The following ASTN2 variants were observed in gnomAD, a reference collection of about 807,000 sequenced individuals.
ASTN2 encodes astrotactin 2.
In ASTN2, 54 loss-of-function variants were observed where a neutral mutation model predicts 139.8. The ratio of observed to expected loss-of-function variants is 0.39; its 90% CI spans 0.31 to 0.48. The LOEUF is 0.48. ASTN2 is among the 20% of genes least tolerant of loss of function. The probability of loss-of-function intolerance (pLI) is 0.95; values close to 1 mark genes in which losing one functional copy is unlikely to be tolerated. For synonymous variants in ASTN2, 756 were observed against 719.5 expected, an observed-to-expected ratio of 1.05 and a Z score of -0.81; for missense variants, 1,565 against 1,725.1, an observed-to-expected ratio of 0.91 and a Z score of 1.64.
At chr9:116,772,838 T>G (rs1424778126) in intron 13 of ASTN2, among the ~76,000 whole-genome samples, 1 of 152,132 alleles carries the variant, frequency 6.6e-6, no homozygotes, top group Non-Finnish European at 1.5e-5. Flanking sequence ...AACCTCCGGG[T>G]CAGAGCTCAG....
At chr9:116,581,653 T>C (rs7867678) in intron 19 of ASTN2, among the ~76,000 whole-genome samples, 7,210 of 152,282 alleles carry the variant, frequency 0.047, 565 homozygotes, top group African/African-American at 0.16. Context: ...CTCATCTCTA[T>C]GCAAAATGGG....
intron 10 of ASTN2, among the ~76,000 whole-genome samples, chr9:116,963,780 T>C (rs1835931621): frequency 6.6e-6 from 1 of 152,168 alleles, no homozygotes; most frequent in African/African-American, 2.4e-5. Flanking sequence ...CTTTTGTAGT[T>C]GGCTTCTCAC....
intron 19 of ASTN2, among the ~76,000 whole-genome samples, chr9:116,551,579 AT>A (rs368785093): frequency 3.0e-4 from 46 of 152,172 alleles, no homozygotes; most frequent in African/African-American, 1.0e-3. Flanking sequence ...AATCTTTCCC[AT>A]TTGGGGGACT....
At chr9:116,433,301 A>G (rs1847553305) in intron 22 of ASTN2, among the ~76,000 whole-genome samples, 1 of 152,226 alleles carries the variant, frequency 6.6e-6, no homozygotes, top group Non-Finnish European at 1.5e-5. Context: ...TGTAAAGCAT[A>G]TTGTTAAACA....
At chr9:116,941,946 A>C (rs1483416300) in intron 10 of ASTN2, among the ~76,000 whole-genome samples, 1 of 151,448 alleles carries the variant, frequency 6.6e-6, no homozygotes. Context: ...CTTGAATTCT[A>C]ATCCTGGCTT....
rs936135026 is a variant in ASTN2 at position 116,447,069 on chromosome 9, A to T, written c.3498-4516T>A. Reference sequence around the variant, plus strand: ...GGTGTGCTTGCTGACCTTCCTCCCCACTCTGCTTCACAGCAGAGGCATCTC... The same window carrying T: ...GGTGTGCTTGCTGACCTTCCTCCCCTCTCTGCTTCACAGCAGAGGCATCTC... On this transcript the variant is annotated intron_variant, in intron 20 of 22. Coordinates refer to ENST00000313400, the MANE Select transcript of ASTN2 (RefSeq NM_001365068.1). 2.0e-5 allele frequency among the ~76,000 whole-genome samples: 3 copies of T among 151,696 alleles called. No individual in the cohort carries two copies. The East Asian group carries it at 5.9e-4, about 30-fold the overall frequency.
intron 19 of ASTN2, among the ~76,000 whole-genome samples, chr9:116,515,397 A>G (rs1664583379): frequency 6.6e-6 from 1 of 152,170 alleles, no homozygotes; most frequent in African/African-American, 2.4e-5. Flanking sequence ...TCTCTCTCTT[A>G]TGATGGAAAC....
intron 4 of ASTN2, among the ~76,000 whole-genome samples, chr9:117,129,215 T>C (rs988055818): frequency 6.6e-6 from 1 of 152,232 alleles, no homozygotes; most frequent in Non-Finnish European, 1.5e-5. Context: ...GCATTGACAG[T>C]GACCATTTTT....
At chr9:116,774,649 G>C (rs532398100) in intron 13 of ASTN2, among the ~76,000 whole-genome samples, 1 of 151,450 alleles carries the variant, frequency 6.6e-6, no homozygotes, top group African/African-American at 2.5e-5. Flanking sequence ...CATCTTGCTC[G>C]AGAGCCTGGC....
rs192466305 is a variant in ASTN2 at position 117,310,906 on chromosome 9, A to C, written c.443-19393T>G. ...CCCAAATTGCTTACAGGCATGAGCC[A>C]CTGTACTCTGCCATTTGGACATGTT... On this transcript the variant is annotated intron_variant, in intron 1 of 22. Transcript: ENST00000313400. Among the ~76,000 whole-genome samples the C allele has an allele frequency of 1.1e-3, 169 of 152,292 alleles. 1 individual carries two copies. Among genetic ancestry groups the C allele is most frequent in the African/African-American group, 4.0e-3 (168 of 41,566 alleles).
Position 117,176,436 on chromosome 9 carries a change from C to T in ASTN2, c.1016-34958G>A, listed in dbSNP as rs1041426534. 4.0e-5 allele frequency among the ~76,000 whole-genome samples: 6 copies of T among 151,722 alleles called. No individual in the cohort carries two copies. The East Asian group carries it at 5.8e-4, about 15-fold the overall frequency. ...TTAACATTTTAAATGTAAAAAAATC[C>T]GATGTATACCACAAAATATTTGTAT... On this transcript the variant is annotated intron_variant, in intron 3 of 22. Transcript: ENST00000313400.
rs183446091 is a variant in ASTN2, at chr9:116,996,906, T to C, written c.1591+11186A>G. ...GAAGACCAATATATTTTTTAACACATTTTTTAGATAAAATTAAATATAGTC... is the reference window on the plus strand; with the variant it reads ...GAAGACCAATATATTTTTTAACACACTTTTTAGATAAAATTAAATATAGTC... On this transcript the variant is annotated intron_variant, in intron 7 of 22. Coordinates refer to ENST00000313400, the MANE Select transcript of ASTN2 (RefSeq NM_001365068.1). Among the ~76,000 whole-genome samples the C allele has an allele frequency of 1.1e-3, 165 of 152,226 alleles. 4 individuals carry two copies. In the East Asian group the frequency reaches 0.025, roughly 23 times the overall value.
Position 117,414,650 on chromosome 9 carries a change from C to A in ASTN2, c.289G>T (p.Gly97Ter). 1 of 1,360,668 alleles carries A rather than the reference C, an allele frequency of 7.3e-7. No homozygotes were observed. 84.3% of individuals were successfully genotyped at this position (1,360,668 alleles called of 1,614,324 possible). Reference sequence around the variant, plus strand: ...GGGGACGCGGCGGCGGCGGCGGCTCCGGCCCCGGTCCCAGCCCCGGCCCCG... The same window carrying A: ...GGGGACGCGGCGGCGGCGGCGGCTCAGGCCCCGGTCCCAGCCCCGGCCCCG... ...RAGAGAGTGA[G>*]AAAAAASPGS... Residue 97 changes from glycine (G) to a stop codon, truncating the protein, a stop_gained, in exon 1 of 23, where the codon GGA becomes TGA. Transcript: ENST00000313400. LOFTEE classifies it high-confidence loss of function. This position sits in a 1 kb window ranked among gnomAD's most constrained non-coding sequence, Gnocchi z 4.2.
intron 19 of ASTN2, among the ~76,000 whole-genome samples, chr9:116,586,845 C>CATACATACACACAT (rs746840629): frequency 1.7e-4 from 14 of 83,722 alleles, no homozygotes; most frequent in Non-Finnish European, 4.2e-4. Flanking sequence ...CACACACACA[C>CATACATACACACAT]ACACACACAC....
chr9:116,717,495 C>G (rs2165554), intron 16 of ASTN2, among the ~76,000 whole-genome samples: 1 of 151,892 alleles, frequency 6.6e-6, no homozygotes. Flanking sequence ...TGCAAGAAAA[C>G]GCTTCCCTAG....
chr9:116,542,098 T>C (rs1851900225), intron 19 of ASTN2, among the ~76,000 whole-genome samples: 1 of 152,240 alleles, frequency 6.6e-6, no homozygotes, highest in African/African-American at 2.4e-5. Context: ...TTTTGTAAAA[T>C]GTTTTCTGCA....
intron 22 of ASTN2, among the ~76,000 whole-genome samples, chr9:116,438,782 TA>T (rs940935363): frequency 1.3e-5 from 2 of 152,012 alleles, no homozygotes; most frequent in African/African-American, 4.8e-5. Flanking sequence ...CTCTCTCTAC[TA>T]AAAATATTTT....
chr9:117,142,113 G>C (rs549993924), intron 3 of ASTN2, among the ~76,000 whole-genome samples: 20 of 152,330 alleles, frequency 1.3e-4, no homozygotes, highest in African/African-American at 4.8e-4. Flanking sequence ...AGTTACAAGA[G>C]AGCTTGCAAA....
chr9:117,396,738 G>C (rs1830686159), intron 1 of ASTN2, among the ~76,000 whole-genome samples: 1 of 151,124 alleles, frequency 6.6e-6, no homozygotes, highest in African/African-American at 2.4e-5. Context: ...GCTAATTTTT[G>C]TATTTTTAGT....
Sources: allele counts gnomAD v4.1 joint callset (sites outside exome capture counted in the v4.1 genomes callset), GRCh38; gene constraint gnomAD v4.1.1; non-coding constraint Gnocchi (gnomAD v3.1); transcripts MANE v1.5; gene names NCBI Gene and HGNC (gene_info 2026-07-23, HGNC 2026-07-21).